NPFFR1: variants seen among roughly 807,000 people sequenced by gnomAD.
The protein encoded by NPFFR1 is neuropeptide FF receptor 1.
A neutral mutation model predicts 12.7 loss-of-function variants in NPFFR1; 17 were observed. That is an observed-to-expected ratio of 1.34 (90% CI 0.92 to 2.01). The LOEUF is 2.01. Ranked by LOEUF, NPFFR1 falls within the 30% of genes most tolerant of loss-of-function variation. NPFFR1 has a pLI of 0.00. For synonymous variants in NPFFR1, 296 were observed against 264.5 expected (o/e 1.12, Z -1.16); for missense variants, 604 against 606.5 (o/e 1.00, Z 0.04).
At chr10:70,275,091 C>T (rs1446192064) in intron 1 of NPFFR1, among the ~76,000 whole-genome samples, 2 of 152,176 alleles carry the variant, frequency 1.3e-5, no homozygotes, top group African/African-American at 4.8e-5. Flanking sequence ...GCAGGTTGCC[C>T]TTCCAAGAAT....
Position 70,255,764 on chromosome 10 carries a change from G to A in NPFFR1, c.486C>T (p.Ile162=), listed in dbSNP as rs1307689447. ...GCAGCGCCAGGGCCCAGATGACGGC[G>A]ATGGTGACGAGCGCCTTCCGCAGGG... ...KLTLRKALVT[I]AVIWALALLI... Residue 162 remains isoleucine, a synonymous_variant, in exon 4 of 4, where the codon ATC becomes ATT. Coordinates refer to ENST00000277942, the MANE Select transcript of NPFFR1 (RefSeq NM_022146.5). The surrounding 1 kb of genome is among the most constrained non-coding windows in gnomAD (Gnocchi z 4.2). 3.1e-6 allele frequency: 5 copies of A among 1,611,722 alleles called. No individual in the cohort carries two copies. In the South Asian group the frequency reaches 4.4e-5, roughly 14 times the overall value.
chr10:70,260,739 C>T lies in NPFFR1; in HGVS notation c.323G>A (p.Gly108Glu), dbSNP rs2136794978. ...PTTLVDNLIT[G>E]WPFDNATCKM... is the part of the protein sequence containing the mutation. ...GCATGTGGCATTGTCGAAGGGCCAC[C>T]CTGCAATGACAGAGGCCCCCACAGA... Residue 108 changes from glycine to glutamate, a missense_variant and splice_region_variant, in exon 3 of 4, where the codon GGG (glycine) becomes GAG (glutamate). By Grantham distance (98) the Gly-to-Glu change is moderately conservative (BLOSUM62 -2). Transcript: ENST00000277942. 1 of 1,591,962 alleles carries T rather than the reference C, an allele frequency of 6.3e-7. No individual in the cohort carries two copies. The highest frequency in any genetic ancestry group is 1.1e-5 in the South Asian group (1 of 87,590).
At chr10:70,276,930 C>T (rs1840810804) in intron 1 of NPFFR1, among the ~76,000 whole-genome samples, 2 of 152,332 alleles carry the variant, frequency 1.3e-5, no homozygotes, top group South Asian at 4.1e-4. Context: ...CAGTTCCACT[C>T]ACTGTTGCTT....
chr10:70,280,961 C>T, intron 1 of NPFFR1, among the ~76,000 whole-genome samples: 1 of 152,186 alleles, frequency 6.6e-6, no homozygotes, highest in East Asian at 1.9e-4. Flanking sequence ...GAGAACACGC[C>T]ACTGCACTCC....
intron 1 of NPFFR1, among the ~76,000 whole-genome samples, chr10:70,278,452 T>C (rs1840826593): frequency 6.6e-6 from 1 of 152,232 alleles, no homozygotes; most frequent in African/African-American, 2.4e-5. Context: ...TCCAGCATTT[T>C]GGTATGTTGA....
intron 1 of NPFFR1, among the ~76,000 whole-genome samples, chr10:70,281,719 T>C (rs1467652554): frequency 6.6e-6 from 1 of 152,112 alleles, no homozygotes; most frequent in Non-Finnish European, 1.5e-5. Context: ...ATAAAGAAAA[T>C]CCTAAGCACA....
rs1282119178 is a variant in NPFFR1, at chr10:70,248,231, T to C, written c.*6726A>G. The C allele has an allele frequency of 6.6e-6, 1 of 152,228 alleles. No individual in the cohort carries two copies. Among genetic ancestry groups the C allele is most frequent in the East Asian group, 1.9e-4 (1 of 5,202 alleles). The allele number at this position is 152,228 out of a possible 1,614,324, so 9.4% of individuals were successfully genotyped here. On this transcript the variant is annotated 3_prime_UTR_variant, in exon 4 of 4. Transcript: ENST00000277942. ...TTATATAACCTCCAGTAAGTTACTT[T>C]ACTTCTCTGAGCCTTGCTTTTCCAA... is the stretch of plus-strand genomic sequence containing the variant.
At chr10:70,260,776 C>A in intron 2 of NPFFR1, 37 bp from the exon 3 acceptor site, 1 of 1,532,544 alleles carries the variant, frequency 6.5e-7, no homozygotes, top group Non-Finnish European at 8.9e-7. Context: ...TGAGAGATGC[C>A]CACGCATCAA....
intron 1 of NPFFR1, 90 bp from the exon 2 acceptor site, chr10:70,266,481 C>T: frequency 1.9e-6 from 2 of 1,048,900 alleles, no homozygotes; most frequent in Admixed American, 5.0e-5. Context: ...GTGTGCCAAA[C>T]CTTAACCATG....
Position 70,255,853 on chromosome 10 carries a change from G to A in NPFFR1, c.423-26C>T, listed in dbSNP as rs370150983. 2.3e-5 allele frequency: 36 copies of A among 1,586,302 alleles called. No homozygotes were observed. The highest frequency in any genetic ancestry group is 2.7e-5 in the Non-Finnish European group (32 of 1,166,442). On this transcript the variant is annotated intron_variant, in intron 3 of 3. Coordinates refer to ENST00000277942, the MANE Select transcript of NPFFR1 (RefSeq NM_022146.5). The surrounding 1 kb of genome is among the most constrained non-coding windows in gnomAD (Gnocchi z 4.2). ...CTGCCGCGGGGAGAGAGACAGGCGG[G>A]ATCTGGGTGGGTCCTAGGGCCCCTG...
chr10:70,276,197 A>G (rs1282428592), intron 1 of NPFFR1, among the ~76,000 whole-genome samples: 5 of 152,216 alleles, frequency 3.3e-5, no homozygotes, highest in Non-Finnish European at 7.3e-5. Flanking sequence ...AACCTTGCCT[A>G]AAACCAGGCA....
At position 70,269,290 on chromosome 10, in the gene NPFFR1, G is replaced by A. The variant is rs147728381; in HGVS notation, c.8-2899C>T. On this transcript the variant is annotated intron_variant, in intron 1 of 3. Coordinates refer to ENST00000277942, the MANE Select transcript of NPFFR1 (RefSeq NM_022146.5). ...TCCCGCCTCGGCCTCCTGAGTAGCC[G>A]GGACTACAGCCGTGCGCCACCAAGC... Among the ~76,000 whole-genome samples the A allele has an allele frequency of 3.4e-3, 518 of 152,078 alleles. 4 individuals are homozygous for A. Among genetic ancestry groups the A allele is most frequent in the African/African-American group, 0.011 (474 of 41,476 alleles).
chr10:70,273,491 G>A (rs1020928116), intron 1 of NPFFR1, among the ~76,000 whole-genome samples: 19 of 152,174 alleles, frequency 1.2e-4, no homozygotes, highest in African/African-American at 3.9e-4. Flanking sequence ...CATTGGATCC[G>A]CTCCCAAAAA....
rs188553702 is a variant in NPFFR1 at position 70,270,376 on chromosome 10, C to A, written c.8-3985G>T. Among the ~76,000 whole-genome samples, 448 of 152,210 alleles carry A rather than the reference C, an allele frequency of 2.9e-3. 3 individuals are homozygous for A. Among genetic ancestry groups the A allele is most frequent in the African/African-American group, 0.01 (432 of 41,524 alleles). ...TGTTGGGAGACTTGCTTACCCCTGCCGAGCCTCAAAATTAGCTCTGAATCA... is the reference window on the plus strand; with the variant it reads ...TGTTGGGAGACTTGCTTACCCCTGCAGAGCCTCAAAATTAGCTCTGAATCA... On this transcript the variant is annotated intron_variant, in intron 1 of 3. Transcript: ENST00000277942.
intron 2 of NPFFR1, among the ~76,000 whole-genome samples, chr10:70,265,813 C>T (rs1840683763): frequency 6.6e-6 from 1 of 152,224 alleles, no homozygotes; most frequent in South Asian, 2.1e-4. Flanking sequence ...AACTCTACTT[C>T]ACTGGATTGT....
chr10:70,271,701 A>C (rs958126506), intron 1 of NPFFR1, among the ~76,000 whole-genome samples: 11 of 152,126 alleles, frequency 7.2e-5, no homozygotes, highest in Admixed American at 1.3e-4. Flanking sequence ...TGTGAGAACT[A>C]AGAGCACATC....
At chr10:70,274,884 G>T (rs1289012855) in intron 1 of NPFFR1, among the ~76,000 whole-genome samples, 4 of 152,238 alleles carry the variant, frequency 2.6e-5, no homozygotes, top group Non-Finnish European at 5.9e-5. Context: ...AGGGAAGCAA[G>T]CCTTGGCAAA....
At chr10:70,263,892 GC>G (rs1243786497) in intron 2 of NPFFR1, among the ~76,000 whole-genome samples, 2 of 144,172 alleles carry the variant, frequency 1.4e-5, no homozygotes, top group Non-Finnish European at 3.1e-5. Flanking sequence ...CGGGCAGATG[GC>G]TTGAACCCAG....
In NPFFR1 at chr10:70,283,679, T is replaced by C. The variant is rs1162219262; in HGVS notation, c.-3A>G. ...CCCCAGGACCACTCACCCTCCATGA[T>C]GCCCCCAGTTGCGGGCTCCGGCGGT... On this transcript the variant is annotated 5_prime_UTR_variant, in exon 1 of 4. Coordinates refer to ENST00000277942, the MANE Select transcript of NPFFR1 (RefSeq NM_022146.5). 6.5e-7 allele frequency: 1 copy of C among 1,535,524 alleles called. No individual in the cohort carries two copies. The highest frequency in any genetic ancestry group is 1.4e-5 in the African/African-American group (1 of 73,058).
Sources: gnomAD v4.1 joint callset for allele counts (sites outside exome capture counted in the v4.1 genomes callset) on GRCh38, gnomAD v4.1.1 for gene constraint, Gnocchi (gnomAD v3.1) non-coding constraint, MANE v1.5 for transcripts, NCBI Gene and HGNC (gene_info 2026-07-23, HGNC 2026-07-21) for gene names.